ST6GAL1: variants seen among roughly 807,000 people sequenced by gnomAD.
ST6GAL1 encodes beta-galactoside alpha-2,6-sialyltransferase 1.
Under a neutral mutation model 38.0 loss-of-function variants are expected in ST6GAL1, and 20 were observed. The observed-to-expected ratio is 0.53, with a 90% confidence interval of 0.37 to 0.77. The LOEUF (loss-of-function observed/expected upper bound fraction) is 0.77. Ranked by LOEUF, ST6GAL1 falls within the 30% of genes least tolerant of loss-of-function variation. ST6GAL1 has a pLI of 0.00. For synonymous variants in ST6GAL1, 196 were observed against 188.2 expected (o/e 1.04, Z -0.34); for missense variants, 432 against 496.4 (o/e 0.87, Z 1.23).
intron 5 of ST6GAL1, chr3:187,072,587 C>T (rs1019046758): frequency 1.2e-5 from 5 of 409,808 alleles, no homozygotes; most frequent in Admixed American, 1.1e-4. Context: ...TGTACCCTTG[C>T]CCCCGTAATC....
intron 1 of ST6GAL1, among the ~76,000 whole-genome samples, chr3:186,939,760 G>A (rs555323040): frequency 2.4e-4 from 36 of 152,232 alleles, no homozygotes; most frequent in African/African-American, 7.7e-4. Context: ...CGAAGATGTG[G>A]TGGTAGCTCA....
chr3:186,993,551 CA>C (rs1716249479), intron 2 of ST6GAL1, among the ~76,000 whole-genome samples: 1 of 147,176 alleles, frequency 6.8e-6, no homozygotes, highest in Non-Finnish European at 1.5e-5. Context: ...GATAACTTGA[CA>C]GAGTTTTATT....
intron 2 of ST6GAL1, among the ~76,000 whole-genome samples, chr3:186,971,381 A>AGCCACTG (rs1272169362): frequency 6.6e-6 from 1 of 152,264 alleles, no homozygotes; most frequent in Non-Finnish European, 1.5e-5. Flanking sequence ...TATAGGCGTG[A>AGCCACTG]GCCACTGTGC....
At chr3:187,043,428 G>A (rs1718196798) in intron 4 of ST6GAL1, 118 bp downstream of exon 4, 1 of 1,437,056 alleles carries the variant, frequency 7.0e-7, no homozygotes, top group African/African-American at 1.4e-5. Context: ...GTGGGCCCAG[G>A]GCAGTGTTTT....
chr3:187,042,687 C>G lies in ST6GAL1; in HGVS notation c.-17C>G, dbSNP rs1324640144. 1 of 1,590,978 alleles carries G rather than the reference C, an allele frequency of 6.3e-7. No homozygotes were observed. On this transcript the variant is annotated 5_prime_UTR_variant, in exon 4 of 8. Transcript: ENST00000169298. ...TCCTGCTCAGAACAAAGTGACTTCC[C>G]TGAACACATCTTCATTATGATTCAC...
In ST6GAL1 at chr3:187,038,153, G is replaced by A. The variant is rs116209882; in HGVS notation, c.-182-589G>A. Among the ~76,000 whole-genome samples, 1,461 of 149,806 alleles carry A rather than the reference G, an allele frequency of 9.8e-3. 18 individuals carry two copies. The highest frequency in any genetic ancestry group is 0.033 in the African/African-American group (1,334 of 40,830). On this transcript the variant is annotated intron_variant, in intron 2 of 7. Coordinates refer to ENST00000169298, the MANE Select transcript of ST6GAL1 (RefSeq NM_173216.2). ...CTTCCCAGGTTGGTCCATGGTGGCCGCTTTAGCTTTCTAGCCCATTCTTAT... is the reference window on the plus strand; with the variant it reads ...CTTCCCAGGTTGGTCCATGGTGGCCACTTTAGCTTTCTAGCCCATTCTTAT...
intron 2 of ST6GAL1, among the ~76,000 whole-genome samples, chr3:187,027,442 G>T (rs984362466): frequency 1.3e-5 from 2 of 152,144 alleles, no homozygotes; most frequent in Non-Finnish European, 2.9e-5. Flanking sequence ...GAATGATTGA[G>T]ACAGAATTCA....
chr3:186,969,428 A>G (rs910564011), intron 2 of ST6GAL1, among the ~76,000 whole-genome samples: 1 of 152,186 alleles, frequency 6.6e-6, no homozygotes, highest in Non-Finnish European at 1.5e-5. Context: ...CACTAATGAT[A>G]TTGAGCTTCA....
At chr3:186,961,159 A>G (rs1403163957) in intron 1 of ST6GAL1, among the ~76,000 whole-genome samples, 3 of 152,162 alleles carry the variant, frequency 2.0e-5, no homozygotes, top group African/African-American at 4.8e-5. Flanking sequence ...TGTTTTTAGT[A>G]GAGACAGGGT....
intron 1 of ST6GAL1, among the ~76,000 whole-genome samples, chr3:186,941,695 C>T (rs547190685): frequency 2.0e-5 from 3 of 152,112 alleles, no homozygotes; most frequent in East Asian, 1.9e-4. Context: ...AAGCCACTGC[C>T]GTGTTATAAA....
intron 2 of ST6GAL1, among the ~76,000 whole-genome samples, chr3:186,998,627 C>T (rs1447469902): frequency 1.3e-5 from 2 of 152,080 alleles, no homozygotes; most frequent in Non-Finnish European, 2.9e-5. Flanking sequence ...AAAAAATCTG[C>T]ATATAAATGG....
intron 2 of ST6GAL1, among the ~76,000 whole-genome samples, chr3:187,027,607 C>T (rs1257801559): frequency 6.6e-6 from 1 of 152,090 alleles, no homozygotes; most frequent in African/African-American, 2.4e-5. Flanking sequence ...CCCCTTCTTG[C>T]CCCGTCTTCT....
In ST6GAL1 at chr3:187,076,069, C is replaced by T; in HGVS notation, c.*266C>T. 2.2e-6 allele frequency: 1 copy of T among 446,940 alleles called. No homozygotes were observed. Among genetic ancestry groups the T allele is most frequent in the Non-Finnish European group, 4.0e-6 (1 of 249,542 alleles). 27.7% of individuals were successfully genotyped at this position (446,940 alleles called of 1,614,324 possible). On this transcript the variant is annotated 3_prime_UTR_variant, in exon 8 of 8. Coordinates refer to ENST00000169298, the MANE Select transcript of ST6GAL1 (RefSeq NM_173216.2). ...TTCTTTCCAGACAGCATCCTCCCCG[C>T]CTTCCACCTTGGTAGATGCAAGGTC...
At position 186,933,414 on chromosome 3, in the gene ST6GAL1, CATT is replaced by C. The variant is rs572052073; in HGVS notation, c.-325+2583_-325+2585del. 2.1e-3 allele frequency among the ~76,000 whole-genome samples: 323 copies of C among 152,320 alleles called. 1 individual carries two copies. Among genetic ancestry groups the C allele is most frequent in the Non-Finnish European group, 3.4e-3 (231 of 68,038 alleles). On this transcript the variant is annotated intron_variant, in intron 1 of 7. Transcript: ENST00000169298. ...CTCCCTTCAATGTCCAGTGTATCCT[CATT>C]ATCCTTTGGTGTGGTGCACGAGCTC...
intron 5 of ST6GAL1, among the ~76,000 whole-genome samples, chr3:187,052,427 C>T (rs548470060): frequency 1.3e-5 from 2 of 152,234 alleles, no homozygotes; most frequent in East Asian, 3.9e-4. Flanking sequence ...AGGTATTTCT[C>T]CTAATGCTAT....
At chr3:187,021,964 T>C (rs1717322436) in intron 2 of ST6GAL1, 1 of 152,158 alleles carries the variant, frequency 6.6e-6, no homozygotes, top group African/African-American at 2.4e-5. Flanking sequence ...CATCTCTTCA[T>C]CTGTATCCTC....
At chr3:186,932,670 C>G (rs1158544134) in intron 1 of ST6GAL1, among the ~76,000 whole-genome samples, 1 of 152,196 alleles carries the variant, frequency 6.6e-6, no homozygotes, top group Non-Finnish European at 1.5e-5. Context: ...TTGACATCAG[C>G]CCCACGGGGA....
intron 2 of ST6GAL1, among the ~76,000 whole-genome samples, chr3:186,988,618 A>T (rs1716040728): frequency 6.6e-6 from 1 of 151,578 alleles, no homozygotes; most frequent in Admixed American, 6.6e-5. Context: ...TAGGACTTGT[A>T]AGAAAAGTTA....
chr3:187,065,535 AGG>A (rs1719073582), intron 5 of ST6GAL1, among the ~76,000 whole-genome samples: 1 of 152,244 alleles, frequency 6.6e-6, no homozygotes, highest in Non-Finnish European at 1.5e-5. Flanking sequence ...GTAAATGGAC[AGG>A]TCTTTAAATA....
Sources: allele counts gnomAD v4.1 joint callset (sites outside exome capture counted in the v4.1 genomes callset), GRCh38; gene constraint gnomAD v4.1.1; transcripts MANE v1.5; gene names NCBI Gene and HGNC (gene_info 2026-07-23, HGNC 2026-07-21).